GLUD1: variants seen among roughly 807,000 people sequenced by gnomAD.
GLUD1 encodes glutamate dehydrogenase 1.
GLUD1 carries 22 observed loss-of-function variants against 56.0 expected under a neutral mutation model. That is an observed-to-expected ratio of 0.39 (90% CI 0.28 to 0.56). The LOEUF (loss-of-function observed/expected upper bound fraction) is 0.56. Among genes scored for constraint, GLUD1 ranks in the 20% least tolerant of loss-of-function variants. The probability of loss-of-function intolerance (pLI) is 0.58; values close to 1 mark genes in which losing one functional copy is unlikely to be tolerated. For missense variants in GLUD1, 451 were observed against 732.0 expected, an observed-to-expected ratio of 0.62 and a Z score of 4.43; for synonymous variants, 223 against 269.9, an observed-to-expected ratio of 0.83 and a Z score of 1.70.
chr10:87,075,828 T>G lies in GLUD1; in HGVS notation c.582+140A>C, dbSNP rs185226271. The G allele has an allele frequency of 2.8e-4, 193 of 698,566 alleles. No individual in the cohort carries two copies. The African/African-American group carries it at 3.1e-3, about 11-fold the overall frequency. 43.3% of individuals were successfully genotyped at this position (698,566 alleles called of 1,614,324 possible). ...TCCCAGTTACTGGATCAAGGAGAAC[T>G]GCTTGAACCCGGGAGGCGGAGGTTG... On this transcript the variant is annotated intron_variant, in intron 3 of 12. Coordinates refer to ENST00000277865, the MANE Select transcript of GLUD1 (RefSeq NM_005271.5).
intron 2 of GLUD1, 66 bp downstream of exon 2, chr10:87,076,510 A>G: frequency 1.1e-6 from 1 of 943,846 alleles, no homozygotes; most frequent in South Asian, 1.3e-5. Flanking sequence ...GCATCTTAAC[A>G]GTAACATGTG....
chr10:87,079,952 G>T (rs1043839456), intron 1 of GLUD1, among the ~76,000 whole-genome samples: 2 of 59,592 alleles, frequency 3.4e-5, no homozygotes, highest in African/African-American at 7.6e-5. Context: ...CTCTCCCCAC[G>T]GTCTCCCTCT....
At chr10:87,075,915 GA>G in intron 3 of GLUD1, 52 bp downstream of exon 3, 1 of 1,286,378 alleles carries the variant, frequency 7.8e-7, no homozygotes, top group Non-Finnish European at 1.1e-6. Context: ...CTCTGTCTCA[GA>G]AAAACAAAAA....
intron 5 of GLUD1, 43 bp downstream of exon 5, chr10:87,068,020 G>T: frequency 8.9e-7 from 1 of 1,122,576 alleles, no homozygotes; most frequent in South Asian, 1.2e-5. Flanking sequence ...AATTCTTGTA[G>T]ACAGCAAATG....
At chr10:87,091,129 G>A (rs1841501656) in intron 1 of GLUD1, among the ~76,000 whole-genome samples, 1 of 152,156 alleles carries the variant, frequency 6.6e-6, no homozygotes, top group Non-Finnish European at 1.5e-5. Flanking sequence ...GTCAATGTAT[G>A]AGAGAACTCC....
chr10:87,074,067 ATACT>A (rs780963606), intron 4 of GLUD1, among the ~76,000 whole-genome samples: 20 of 152,330 alleles, frequency 1.3e-4, no homozygotes, highest in African/African-American at 3.4e-4. Context: ...TACATGACAA[ATACT>A]TACATATCAT....
intron 10 of GLUD1, among the ~76,000 whole-genome samples, chr10:87,058,070 G>A (rs528937377): frequency 2.0e-5 from 3 of 152,188 alleles, no homozygotes; most frequent in East Asian, 1.9e-4. Context: ...GGGTTTCACC[G>A]TGTTAGCCAG....
intron 4 of GLUD1, among the ~76,000 whole-genome samples, chr10:87,071,798 T>C (rs1336065935): frequency 1.3e-5 from 2 of 152,154 alleles, no homozygotes; most frequent in Non-Finnish European, 1.5e-5. Flanking sequence ...AAAGACATCA[T>C]AAGAAAACTA....
chr10:87,053,770 C>T (rs963159541), intron 11 of GLUD1, among the ~76,000 whole-genome samples: 5 of 152,144 alleles, frequency 3.3e-5, no homozygotes, highest in African/African-American at 4.8e-5. Flanking sequence ...GTTCATGCCA[C>T]GGTGCGTTCG....
intron 5 of GLUD1, among the ~76,000 whole-genome samples, chr10:87,065,068 A>C (rs1846037466): frequency 1.3e-5 from 2 of 152,094 alleles, no homozygotes; most frequent in African/African-American, 4.8e-5. Context: ...AAAACTGTTC[A>C]CCAGTATAGT....
chr10:87,074,642 G>T (rs1564773785), intron 3 of GLUD1, 28 bp from the exon 4 acceptor site: 2 of 1,279,730 alleles, frequency 1.6e-6, no homozygotes, highest in Admixed American at 3.4e-5. Flanking sequence ...AAAAACAAAA[G>T]AAAAAATTGA....
At chr10:87,062,567 T>C in intron 6 of GLUD1, 89 bp downstream of exon 6, 2 of 1,031,508 alleles carry the variant, frequency 1.9e-6, no homozygotes, top group Non-Finnish European at 2.9e-6. Context: ...TGAGATAACT[T>C]AATTTTAAAA....
At chr10:87,063,901 C>CG (rs1846002077) in intron 5 of GLUD1, among the ~76,000 whole-genome samples, 1 of 150,796 alleles carries the variant, frequency 6.6e-6, no homozygotes, top group Non-Finnish European at 1.5e-5. Context: ...TTTTTTGAGA[C>CG]GGAGTCTCGC....
At chr10:87,075,483 T>C (rs777928642) in intron 3 of GLUD1, among the ~76,000 whole-genome samples, 6 of 152,206 alleles carry the variant, frequency 3.9e-5, no homozygotes, top group African/African-American at 7.2e-5. Flanking sequence ...AGGTGATCTT[T>C]ATATGGCAAA....
At position 87,088,540 on chromosome 10, in the gene GLUD1, G is replaced by GA. The variant is rs568948285; in HGVS notation, c.445+5784dup. 3.0e-3 allele frequency among the ~76,000 whole-genome samples: 439 copies of GA among 147,654 alleles called. 2 individuals carry two copies. The highest frequency in any genetic ancestry group is 4.8e-3 in the Admixed American group (71 of 14,854). On this transcript the variant is annotated intron_variant, in intron 1 of 12. Transcript: ENST00000277865. Reference sequence around the variant, plus strand: ...TTGCTCTTTCTCTCTTGGCATAAAAGAAAAAAAAAATTCATGCAAAATCCT... The same window carrying GA: ...TTGCTCTTTCTCTCTTGGCATAAAAGAAAAAAAAAAATTCATGCAAAATCCT...
chr10:87,054,524 G>A (rs1316943504), intron 11 of GLUD1, among the ~76,000 whole-genome samples: 1 of 152,168 alleles, frequency 6.6e-6, no homozygotes, highest in Admixed American at 6.6e-5. Context: ...ACTGCTGATA[G>A]GTCAAGCAAG....
In GLUD1 at chr10:87,068,508, A is replaced by G. The variant is rs1205303984; in HGVS notation, c.647-351T>C. On this transcript the variant is annotated intron_variant, in intron 4 of 12. Coordinates refer to ENST00000277865, the MANE Select transcript of GLUD1 (RefSeq NM_005271.5). ...TCATTTCACTAACATGCAATTAGAG[A>G]TAACAGTACCATTGTGTTCTATATA... is the stretch of plus-strand genomic sequence containing the variant. Among the ~76,000 whole-genome samples the G allele has an allele frequency of 2.0e-5, 3 of 152,312 alleles. No homozygotes were observed. In the East Asian group the frequency reaches 5.8e-4, roughly 29 times the overall value.
At chr10:87,079,272 TA>T (rs200702603) in intron 1 of GLUD1, among the ~76,000 whole-genome samples, 15,367 of 142,148 alleles carry the variant, frequency 0.11, 903 homozygotes, top group Admixed American at 0.15. Flanking sequence ...ATTTGTATCT[TA>T]AAAAAAAAAA....
intron 12 of GLUD1, among the ~76,000 whole-genome samples, chr10:87,052,840 C>G (rs929051688): frequency 6.6e-6 from 1 of 152,014 alleles, no homozygotes; most frequent in Non-Finnish European, 1.5e-5. Context: ...AACAACAGCC[C>G]TAAGAAGCAC....
Sources: allele counts gnomAD v4.1 joint callset (sites outside exome capture counted in the v4.1 genomes callset), GRCh38; gene constraint gnomAD v4.1.1; transcripts MANE v1.5; gene names NCBI Gene and HGNC (gene_info 2026-07-23, HGNC 2026-07-21).